Variants in SNX6 observed in about 807,000 individuals in gnomAD.
SNX6 encodes the protein sorting nexin 6, also known as sorting nexin-6.
In SNX6, 34 loss-of-function variants were observed where a neutral mutation model predicts 63.0. That is an observed-to-expected ratio of 0.54 (90% CI 0.41 to 0.72). SNX6 has a LOEUF of 0.72. SNX6 is among the 30% of genes least tolerant of loss of function. SNX6 has a pLI of 0.00. For synonymous variants in SNX6, 170 were observed against 164.2 expected (o/e 1.04, Z -0.27); for missense variants, 398 against 471.4 (o/e 0.84, Z 1.44).
chr14:34,611,737 A>C (rs1055406976), intron 2 of SNX6, among the ~76,000 whole-genome samples: 5 of 140,796 alleles, frequency 3.6e-5, no homozygotes, highest in Admixed American at 1.5e-4. Flanking sequence ...CAAAACAGTA[A>C]GACACTGTCT....
Position 34,603,375 on chromosome 14 carries a change from G to A in SNX6, c.489C>T (p.Phe163=). 4 of 1,610,734 alleles carry A rather than the reference G, an allele frequency of 2.5e-6. No individual in the cohort carries two copies. The highest frequency in any genetic ancestry group is 3.4e-6 in the Non-Finnish European group (4 of 1,178,518). ...AHPILRRDLN[F]HVFLEYNQDL... The stretch of plus-strand genomic sequence containing the variant: ...CTTGATTATATTCCAAGAAGACATG[G>A]AAATTTAAATCTCTTCTCAAAATAG... The change falls in exon 6 of 14, where the codon TTC becomes TTT. Residue 163 remains phenylalanine, a synonymous_variant. Coordinates refer to ENST00000362031, the MANE Select transcript of SNX6 (RefSeq NM_152233.4).
At chr14:34,598,526 G>C (rs1198785211) in intron 6 of SNX6, among the ~76,000 whole-genome samples, 1 of 152,132 alleles carries the variant, frequency 6.6e-6, no homozygotes, top group Non-Finnish European at 1.5e-5. Context: ...CGAGTAGCTG[G>C]GACCACAGGC....
chr14:34,602,431 A>G (rs1882852067), intron 6 of SNX6, among the ~76,000 whole-genome samples: 1 of 151,368 alleles, frequency 6.6e-6, no homozygotes, highest in Admixed American at 6.6e-5. Context: ...GTCTTAAAAA[A>G]AAAAAAAAAA....
At chr14:34,605,841 A>G in intron 4 of SNX6, 124 bp from the exon 5 acceptor site, 2 of 1,206,252 alleles carry the variant, frequency 1.7e-6, no homozygotes, top group Admixed American at 2.9e-5. Context: ...GAACACCAGG[A>G]ACACCCAAAT....
intron 9 of SNX6, among the ~76,000 whole-genome samples, chr14:34,584,756 T>C (rs561517759): frequency 1.3e-5 from 2 of 150,586 alleles, no homozygotes; most frequent in Non-Finnish European, 2.9e-5. Context: ...GAAAAAAAAA[T>C]ATATATAGAG....
At position 34,567,790 on chromosome 14, in the gene SNX6, G is replaced by A. The variant is rs374475021; in HGVS notation, c.1082-19C>T. ...ATAAGTTCTGTGAAAAAGAAATTAG[G>A]ATTATTTAATTTACATAATAGTCAT... On this transcript the variant is annotated intron_variant, in intron 12 of 13. Coordinates refer to ENST00000362031, the MANE Select transcript of SNX6 (RefSeq NM_152233.4). The A allele has an allele frequency of 1.2e-6, 2 of 1,611,836 alleles. No individual in the cohort carries two copies. The highest frequency in any genetic ancestry group is 8.5e-7 in the Non-Finnish European group (1 of 1,178,236).
chr14:34,570,145 C>A (rs1216547728), intron 11 of SNX6, among the ~76,000 whole-genome samples: 2 of 151,398 alleles, frequency 1.3e-5, no homozygotes, highest in East Asian at 1.9e-4. Flanking sequence ...CTCAGCTCAC[C>A]GCAACCTCTG....
chr14:34,621,213 C>T (rs140469973), intron 2 of SNX6, among the ~76,000 whole-genome samples: 1 of 152,192 alleles, frequency 6.6e-6, no homozygotes, highest in African/African-American at 2.4e-5. Flanking sequence ...TCTCAGAGTG[C>T]TAGGATTATA....
intron 2 of SNX6, among the ~76,000 whole-genome samples, chr14:34,624,729 G>C (rs1883759931): frequency 6.6e-6 from 1 of 151,874 alleles, no homozygotes; most frequent in South Asian, 2.1e-4. Flanking sequence ...TTGGGAGCCA[G>C]AGGTTGCAGT....
intron 10 of SNX6, among the ~76,000 whole-genome samples, chr14:34,579,381 G>A (rs1386984505): frequency 6.6e-6 from 1 of 152,056 alleles, no homozygotes; most frequent in Non-Finnish European, 1.5e-5. Context: ...GCTTTGAAGG[G>A]TGAGGCAGGA....
intron 8 of SNX6, among the ~76,000 whole-genome samples, chr14:34,592,501 G>A (rs941897886): frequency 2.6e-5 from 4 of 152,102 alleles, no homozygotes; most frequent in South Asian, 4.1e-4. Flanking sequence ...ATCCATCATC[G>A]GTGTAAATGT....
At chr14:34,587,008 C>CAAAAAA (rs71121211) in intron 8 of SNX6, among the ~76,000 whole-genome samples, 9 of 50,126 alleles carry the variant, frequency 1.8e-4, no homozygotes, top group Non-Finnish European at 2.0e-4. Flanking sequence ...GACTCTGTCT[C>CAAAAAA]AAAAAAAAAA....
chr14:34,610,188 G>GAA (rs751086426), intron 2 of SNX6, among the ~76,000 whole-genome samples: 17 of 132,908 alleles, frequency 1.3e-4, no homozygotes, highest in African/African-American at 3.7e-4. Flanking sequence ...TACAGAAATT[G>GAA]AAAAAAAAAA....
At chr14:34,595,006 C>T (rs1022295562) in intron 7 of SNX6, among the ~76,000 whole-genome samples, 1 of 152,038 alleles carries the variant, frequency 6.6e-6, no homozygotes, top group Non-Finnish European at 1.5e-5. Flanking sequence ...GTGGGAGGAT[C>T]GCCTGAGCCT....
rs56118978 is a variant in SNX6 at position 34,626,668 on chromosome 14, C to CAAA, written c.54+3236_54+3238dup. On this transcript the variant is annotated intron_variant, in intron 2 of 13. Coordinates refer to ENST00000362031, the MANE Select transcript of SNX6 (RefSeq NM_152233.4). ...TGGGCAACAGAGCGAGACTCCATTT[C>CAAA]AAAAAAAAAAAAAGAGAAAGTTTCT... Among the ~76,000 whole-genome samples, 6 of 126,546 alleles carry CAAA rather than the reference C, an allele frequency of 4.7e-5. 1 individual carries two copies. Among genetic ancestry groups the CAAA allele is most frequent in the Admixed American group, 8.9e-5 (1 of 11,242 alleles). The allele number at this position is 126,546 out of a possible 152,430, so 83.0% of individuals were successfully genotyped here.
intron 10 of SNX6, among the ~76,000 whole-genome samples, chr14:34,580,729 A>G (rs1881902110): frequency 6.6e-6 from 1 of 151,166 alleles, no homozygotes; most frequent in Non-Finnish European, 1.5e-5. Context: ...GCACGGTCAC[A>G]GCTCACTGCA....
chr14:34,619,617 G>A (rs1323835949), intron 2 of SNX6, among the ~76,000 whole-genome samples: 1 of 152,070 alleles, frequency 6.6e-6, no homozygotes, highest in Non-Finnish European at 1.5e-5. Flanking sequence ...TGTTTGCAAT[G>A]AGGAAGACAA....
intron 8 of SNX6, among the ~76,000 whole-genome samples, chr14:34,588,630 A>G (rs557986505): frequency 4.4e-4 from 67 of 152,322 alleles, no homozygotes; most frequent in African/African-American, 1.6e-3. Flanking sequence ...TAAGATCTAT[A>G]CAATGAAAAC....
intron 9 of SNX6, among the ~76,000 whole-genome samples, chr14:34,585,830 G>A (rs1882128106): frequency 6.6e-6 from 1 of 152,032 alleles, no homozygotes; most frequent in African/African-American, 2.4e-5. Context: ...TTGAACTCCG[G>A]ACCTCAGGTT....
Sources: allele counts gnomAD v4.1 joint callset (sites outside exome capture counted in the v4.1 genomes callset), GRCh38; gene constraint gnomAD v4.1.1; transcripts MANE v1.5; gene names NCBI Gene and HGNC (gene_info 2026-07-23, HGNC 2026-07-21).